The following NAALADL2 variants were observed in gnomAD, a reference collection of about 807,000 sequenced individuals.
The protein encoded by NAALADL2 is inactive N-acetylated-alpha-linked acidic dipeptidase-like protein 2.
Under a neutral mutation model 87.2 loss-of-function variants are expected in NAALADL2, and 76 were observed. That is an observed-to-expected ratio of 0.87 (90% confidence interval 0.72 to 1.05). The LOEUF (loss-of-function observed/expected upper bound fraction) is 1.05. NAALADL2 is among the 50% of genes least tolerant of loss of function. The pLI is 0.00. For synonymous variants in NAALADL2, 354 were observed against 331.0 expected (o/e 1.07, Z -0.75); for missense variants, 1,089 against 945.8 (o/e 1.15, Z -1.99).
At chr3:175,757,131 T>C (rs1180139258) in intron 13 of NAALADL2, among the ~76,000 whole-genome samples, 1 of 151,918 alleles carries the variant, frequency 6.6e-6, no homozygotes, top group African/African-American at 2.4e-5. Context: ...CCTACTCCAT[T>C]CTTCCCCCAA....
At chr3:174,896,576 A>G (rs1452998831) in intron 1 of NAALADL2, among the ~76,000 whole-genome samples, 3 of 152,188 alleles carry the variant, frequency 2.0e-5, no homozygotes, top group South Asian at 2.1e-4. Flanking sequence ...CAATATTGTT[A>G]AAGTGTCCAT....
chr3:174,469,203 C>T (rs1467760132), intron 1 of NAALADL2, among the ~76,000 whole-genome samples: 4 of 152,124 alleles, frequency 2.6e-5, no homozygotes, highest in East Asian at 1.9e-4. Context: ...TACTACTTCT[C>T]CTCTGGACAT....
chr3:175,111,162 G>A (rs555668114), intron 2 of NAALADL2, among the ~76,000 whole-genome samples: 70 of 151,790 alleles, frequency 4.6e-4, no homozygotes, highest in African/African-American at 1.5e-3. Context: ...GTCCAGGTGC[G>A]GGGAAGAAGA....
chr3:175,187,374 G>A (rs7649161), intron 2 of NAALADL2, among the ~76,000 whole-genome samples: 15,993 of 152,118 alleles, frequency 0.11, 964 homozygotes, highest in African/African-American at 0.14. Context: ...TATCGTTGTC[G>A]ATTCCAGCAT....
intron 2 of NAALADL2, among the ~76,000 whole-genome samples, chr3:175,100,084 C>T (rs1306969646): frequency 2.6e-5 from 4 of 151,392 alleles, no homozygotes; most frequent in Non-Finnish European, 5.9e-5. Context: ...CAGAGGATAG[C>T]CTATGCTCTG....
chr3:175,053,244 T>G (rs922690781), intron 1 of NAALADL2, among the ~76,000 whole-genome samples: 5 of 152,200 alleles, frequency 3.3e-5, no homozygotes, highest in African/African-American at 1.2e-4. Context: ...ATATGCCCAA[T>G]AAGTATAATT....
At chr3:175,148,363 G>A (rs1419902847) in intron 2 of NAALADL2, among the ~76,000 whole-genome samples, 1 of 151,866 alleles carries the variant, frequency 6.6e-6, no homozygotes, top group African/African-American at 2.4e-5. Context: ...TACTTAATTT[G>A]TGACTATTTT....
At chr3:175,773,726 T>C (rs1488986239) in intron 13 of NAALADL2, 1 of 152,124 alleles carries the variant, frequency 6.6e-6, no homozygotes. Context: ...TGTTTTTGGC[T>C]TAACAGGCCA....
intron 4 of NAALADL2, among the ~76,000 whole-genome samples, chr3:175,263,374 A>G (rs921084809): frequency 2.0e-5 from 3 of 151,952 alleles, no homozygotes; most frequent in African/African-American, 7.2e-5. Context: ...TTCAACTTCT[A>G]TTCCTGTTTT....
chr3:174,988,458 A>T (rs1351900069), intron 1 of NAALADL2, among the ~76,000 whole-genome samples: 1 of 152,192 alleles, frequency 6.6e-6, no homozygotes, highest in East Asian at 1.9e-4. Flanking sequence ...AAATGAACTA[A>T]AAGTTTAAAA....
At chr3:175,594,782 T>C (rs1222684848) in intron 10 of NAALADL2, among the ~76,000 whole-genome samples, 1 of 152,184 alleles carries the variant, frequency 6.6e-6, no homozygotes, top group Non-Finnish European at 1.5e-5. Context: ...TTCATGTTTG[T>C]TGGCCACTTC....
At chr3:174,871,938 A>G (rs1408146128) in intron 1 of NAALADL2, among the ~76,000 whole-genome samples, 1 of 151,916 alleles carries the variant, frequency 6.6e-6, no homozygotes, top group Non-Finnish European at 1.5e-5. Flanking sequence ...TGTTTTAAGA[A>G]AAATGATAAC....
chr3:174,804,853 T>G (rs1719274736), intron 3 of NAALADL2, among the ~76,000 whole-genome samples: 1 of 152,150 alleles, frequency 6.6e-6, no homozygotes. Context: ...ATTAATATAT[T>G]TATTAGTAAA....
chr3:174,884,017 G>A (rs1017745748), intron 1 of NAALADL2, among the ~76,000 whole-genome samples: 4 of 152,140 alleles, frequency 2.6e-5, no homozygotes, highest in African/African-American at 9.7e-5. Context: ...TTCTTAGCCT[G>A]TTGACTTAAG....
intron 11 of NAALADL2, among the ~76,000 whole-genome samples, chr3:175,640,740 A>G (rs977231253): frequency 5.3e-5 from 8 of 152,242 alleles, no homozygotes; most frequent in African/African-American, 9.6e-5. Flanking sequence ...ACATGAGTGT[A>G]TATGCATACC....
At chr3:174,726,589 C>A (rs77285731) in intron 2 of NAALADL2, among the ~76,000 whole-genome samples, 4,752 of 152,184 alleles carry the variant, frequency 0.031, 268 homozygotes, top group African/African-American at 0.11. Context: ...GTTCATAGTA[C>A]TTGGCTTCTT....
intron 11 of NAALADL2, among the ~76,000 whole-genome samples, chr3:175,651,544 G>A (rs556723929): frequency 1.3e-5 from 2 of 152,272 alleles, no homozygotes; most frequent in Admixed American, 6.5e-5. Flanking sequence ...TAGGACAGCA[G>A]CAGTCACTTG....
At chr3:174,505,549 A>G (rs984013470) in intron 1 of NAALADL2, among the ~76,000 whole-genome samples, 3 of 140,236 alleles carry the variant, frequency 2.1e-5, no homozygotes, top group Non-Finnish European at 4.7e-5. Flanking sequence ...AAATGAAATG[A>G]AACTTAAAGT....
chr3:175,511,884 G>A (rs1386351635), intron 9 of NAALADL2, among the ~76,000 whole-genome samples: 2 of 152,096 alleles, frequency 1.3e-5, no homozygotes, highest in African/African-American at 4.8e-5. Flanking sequence ...TTTAACCTAG[G>A]GTATGTTCAA....
Sources: allele counts gnomAD v4.1 joint callset (sites outside exome capture counted in the v4.1 genomes callset), GRCh38; gene constraint gnomAD v4.1.1; transcripts MANE v1.5; gene names NCBI Gene and HGNC (gene_info 2026-07-23, HGNC 2026-07-21).